Variants in TAT observed in about 807,000 individuals in gnomAD.
TAT encodes L-tyrosine:2-oxoglutarate aminotransferase.
TAT carries 35 observed loss-of-function variants against 53.6 expected under a neutral mutation model. That is an observed-to-expected ratio of 0.65 (90% confidence interval 0.50 to 0.87). The LOEUF is 0.87. TAT is among the 40% of genes least tolerant of loss of function. The probability of loss-of-function intolerance (pLI) is 0.00; values close to 1 mark genes in which losing one functional copy is unlikely to be tolerated. For synonymous variants in TAT, 197 were observed against 206.5 expected (o/e 0.95, Z 0.39); for missense variants, 525 against 571.8 (o/e 0.92, Z 0.83).
Position 71,572,288 on chromosome 16 carries a change from C to A in TAT, c.604G>T (p.Glu202Ter). The A allele has an allele frequency of 6.2e-7, 1 of 1,614,142 alleles. No homozygotes were observed. The highest frequency in any genetic ancestry group is 8.5e-7 in the Non-Finnish European group (1 of 1,180,008). Residue 202 changes from glutamate (E) to a stop codon, truncating the protein, a stop_gained, in exon 6 of 12, where the codon GAA (glutamate) becomes TAA (stop). Coordinates refer to ENST00000355962, the MANE Select transcript of TAT (RefSeq NM_000353.3). LOFTEE classifies it high-confidence loss of function. ...KSWEIDLKQL[E>*]YLIDEKTACL... is the part of the protein sequence containing the mutation. ...GCTGTCTTTTCATCAATTAGATATT[C>A]CAGTTGTTTCAGGTCAATTTCCCAA...
intron 8 of TAT, 116 bp from the exon 9 acceptor site, chr16:71,570,513 G>T: frequency 1.3e-6 from 2 of 1,586,626 alleles, no homozygotes; most frequent in Non-Finnish European, 1.7e-6. Flanking sequence ...ATGGTGTCTA[G>T]TGGCATTCTT....
At chr16:71,575,550 T>C (rs1003092406) in intron 3 of TAT, 3 of 347,944 alleles carry the variant, frequency 8.6e-6, no homozygotes, top group Admixed American at 4.1e-5. Context: ...AGGAGCTATA[T>C]ACACAGAGCA....
In TAT at chr16:71,573,591, C is replaced by A; in HGVS notation, c.356G>T (p.Arg119Leu). 1 of 1,554,188 alleles carries A rather than the reference C, an allele frequency of 6.4e-7. No individual in the cohort carries two copies. The highest frequency in any genetic ancestry group is 2.4e-5 in the East Asian group (1 of 41,192). Residue 119 changes from arginine (R) to leucine (L), a missense_variant, in exon 4 of 12, where the codon CGG becomes CTG. By Grantham distance (102) the Arg-to-Leu change is moderately radical. Transcript: ENST00000355962. ...GTGGTAATAAGAAGCAATCTCCTCC[C>A]GACTGGATAGGAAGCCTGAAAGAAA... ...YAPSIGFLSS[R>L]EEIASYYHCP...
chr16:71,571,466 G>A (rs985117288), intron 7 of TAT, 140 bp downstream of exon 7: 2 of 767,264 alleles, frequency 2.6e-6, no homozygotes, highest in Non-Finnish European at 4.4e-6. Flanking sequence ...GGAGTTGTGG[G>A]TCTATATATT....
intron 1 of TAT, 98 bp from the exon 2 acceptor site, chr16:71,576,525 G>C: frequency 9.8e-7 from 1 of 1,016,096 alleles, no homozygotes; most frequent in Middle Eastern, 2.8e-4. Flanking sequence ...TTCACTAAAA[G>C]TGTCTTTCCA....
At position 71,568,891 on chromosome 16, in the gene TAT, G is replaced by T. The variant is rs1454585343; in HGVS notation, c.1126-82C>A. On this transcript the variant is annotated intron_variant, in intron 10 of 11. Coordinates refer to ENST00000355962, the MANE Select transcript of TAT (RefSeq NM_000353.3). ...TCCTGTGCCAGAAATTAAGGTAGGGGCTACTTTAAAAGATATCTTGGAACT... is the reference window on the plus strand; with the variant it reads ...TCCTGTGCCAGAAATTAAGGTAGGGTCTACTTTAAAAGATATCTTGGAACT... 4.2e-6 allele frequency: 4 copies of T among 945,686 alleles called. No individual in the cohort carries two copies. The East Asian group carries it at 7.5e-5, about 18-fold the overall frequency. The allele number at this position is 945,686 out of a possible 1,614,324, so 58.6% of individuals were successfully genotyped here. A position where few individuals can be genotyped will look rare whatever the true frequency, so the allele number is the denominator to read the frequency against.
At chr16:71,571,468 CTA>C in intron 7 of TAT, 136 bp downstream of exon 7, 1 of 779,082 alleles carries the variant, frequency 1.3e-6, no homozygotes, top group Admixed American at 2.2e-5. Context: ...AGTTGTGGGT[CTA>C]TATATTTGTA....
chr16:71,566,488 AAAC>A lies in TAT; in HGVS notation c.*1653_*1655del, dbSNP rs1017445392. 4 of 151,790 alleles carry A rather than the reference AAAC, an allele frequency of 2.6e-5. No homozygotes were observed. Among genetic ancestry groups the A allele is most frequent in the African/African-American group, 9.7e-5 (4 of 41,294 alleles). 9.4% of individuals were successfully genotyped at this position (151,790 alleles called of 1,614,324 possible). ...ATTTGCGAAAAAAAAAAAAAAAAAA[AAAC>A]ATCTAGGACACTTCTCATTCACTGG... On this transcript the variant is annotated 3_prime_UTR_variant, in exon 12 of 12. Transcript: ENST00000355962.
At chr16:71,574,764 A>G (rs541963681) in intron 3 of TAT, among the ~76,000 whole-genome samples, 1 of 152,154 alleles carries the variant, frequency 6.6e-6, no homozygotes, top group Admixed American at 6.5e-5. Context: ...CAGCAGTTTC[A>G]TGCCCATCAT....
intron 9 of TAT, 34 bp downstream of exon 9, chr16:71,570,235 A>C (rs371875124): frequency 1.2e-6 from 2 of 1,613,986 alleles, no homozygotes; most frequent in Non-Finnish European, 1.7e-6. Flanking sequence ...CTGACTCCCA[A>C]ACTCCCAAAG....
intron 3 of TAT, among the ~76,000 whole-genome samples, chr16:71,573,911 G>A (rs1231247977): frequency 2.6e-5 from 4 of 152,122 alleles, no homozygotes; most frequent in South Asian, 2.1e-4. Flanking sequence ...ACACTCCTGG[G>A]CTCAGGGGCT....
chr16:71,575,203 G>A (rs557670112), intron 3 of TAT: 1 of 152,282 alleles, frequency 6.6e-6, no homozygotes, highest in African/African-American at 2.4e-5. Flanking sequence ...ATTTTATCAT[G>A]AAACTGGGGT....
In TAT at chr16:71,568,189, C is replaced by T. The variant is rs1358845904; in HGVS notation, c.1320G>A (p.Gln440=). Residue 440 remains glutamine (Q), a synonymous_variant, in exon 12 of 12, where the codon CAG becomes CAA. Coordinates refer to ENST00000355962, the MANE Select transcript of TAT (RefSeq NM_000353.3). ...ACSRIQEFCE[Q]HYHCAEGSQE... ...GGCTGCCTTCAGCACAATGGTAGTG[C>T]TGCTCACAGAACTCCTGGATCCGGC... 1 of 1,614,216 alleles carries T rather than the reference C, an allele frequency of 6.2e-7. No homozygotes were observed. Among genetic ancestry groups the T allele is most frequent in the East Asian group, 2.2e-5 (1 of 44,884 alleles).
At chr16:71,572,400 A>T in intron 5 of TAT, 76 bp from the exon 6 acceptor site, 1 of 1,607,280 alleles carries the variant, frequency 6.2e-7, no homozygotes, top group South Asian at 1.1e-5. Context: ...TCAAGGGTCC[A>T]ATGTAAGCAA....
chr16:71,567,032 A>C lies in TAT; in HGVS notation c.*1112T>G, dbSNP rs2044167901. ...GATTATATAACAATGACAAGTGAAG[A>C]TATTTCTGGCCCTTACACAGTAGTA... On this transcript the variant is annotated 3_prime_UTR_variant, in exon 12 of 12. Transcript: ENST00000355962. 6.6e-6 allele frequency: 1 copy of C among 152,358 alleles called. No homozygotes were observed. The highest frequency in any genetic ancestry group is 2.1e-4 in the South Asian group (1 of 4,828). The allele number at this position is 152,358 out of a possible 1,614,324, so 9.4% of individuals were successfully genotyped here.
At position 71,576,238 on chromosome 16, in the gene TAT, C is replaced by G; in HGVS notation, c.178G>C (p.Val60Leu). The G allele has an allele frequency of 6.2e-7, 1 of 1,614,208 alleles. No individual in the cohort carries two copies. Reference protein sequence around the residue: ...KKTFNPIRAIVDNMKVKPNPN... With the variant: ...KKTFNPIRAILDNMKVKPNPN... ...TTTGGTTTCACCTTCATGTTGTCCA[C>G]AATGGCTCGGATGGGGTTGAAAGTT... Residue 60 changes from valine to leucine, a missense_variant, in exon 2 of 12, where the codon GTG becomes CTG. Coordinates refer to ENST00000355962, the MANE Select transcript of TAT (RefSeq NM_000353.3).
In TAT at chr16:71,566,867, TAAAAAAAAA is replaced by T. The variant is rs112731997; in HGVS notation, c.*1268_*1276del. 7.4e-6 allele frequency: 1 copy of T among 134,472 alleles called. No individual in the cohort carries two copies. Among genetic ancestry groups the T allele is most frequent in the African/African-American group, 2.7e-5 (1 of 36,566 alleles). 8.3% of individuals were successfully genotyped at this position (134,472 alleles called of 1,614,324 possible). ...AAGAGCCATACTTGGTGAAATTTAT[TAAAAAAAAA>T]AAAAGAAAAACAATAATTTATGCCC... On this transcript the variant is annotated 3_prime_UTR_variant, in exon 12 of 12. Transcript: ENST00000355962.
At chr16:71,568,356 C>T in intron 11 of TAT, 72 bp from the exon 12 acceptor site, 1 of 1,492,844 alleles carries the variant, frequency 6.7e-7, no homozygotes, top group Non-Finnish European at 9.3e-7. Flanking sequence ...ATGGTCAGGA[C>T]CCTGATCCAC....
intron 4 of TAT, among the ~76,000 whole-genome samples, chr16:71,573,200 A>T (rs1161580990): frequency 6.6e-6 from 1 of 152,210 alleles, no homozygotes; most frequent in East Asian, 1.9e-4. Flanking sequence ...GAAAGATCCT[A>T]TTGGTAAAAT....
Sources: gnomAD v4.1 joint callset for allele counts (sites outside exome capture counted in the v4.1 genomes callset) on GRCh38, gnomAD v4.1.1 for gene constraint, MANE v1.5 for transcripts, NCBI Gene and HGNC (gene_info 2026-07-23, HGNC 2026-07-21) for gene names.